CLPB: variants seen among roughly 807,000 people sequenced by gnomAD.
CLPB encodes the protein ClpB family mitochondrial disaggregase.
A neutral mutation model predicts 78.4 loss-of-function variants in CLPB; 40 were observed. That is an observed-to-expected ratio of 0.51 (90% CI 0.40 to 0.66). The LOEUF is 0.66. CLPB is among the 30% of genes least tolerant of loss of function. The pLI is 0.00. For missense variants in CLPB, 780 were observed against 886.9 expected, an observed-to-expected ratio of 0.88 and a Z score of 1.53; for synonymous variants, 333 against 348.0, an observed-to-expected ratio of 0.96 and a Z score of 0.48.
chr11:72,395,021 G>C (rs1855364460), intron 3 of CLPB, among the ~76,000 whole-genome samples: 2 of 152,102 alleles, frequency 1.3e-5, no homozygotes, highest in South Asian at 4.1e-4. Flanking sequence ...TGGTCCTTCT[G>C]CAAATGCTCT....
chr11:72,357,436 C>T (rs1212837916), intron 5 of CLPB, among the ~76,000 whole-genome samples: 2 of 152,208 alleles, frequency 1.3e-5, no homozygotes, highest in East Asian at 1.9e-4. Context: ...CCATGCCGGG[C>T]GCAGTGGCCC....
intron 2 of CLPB, among the ~76,000 whole-genome samples, chr11:72,405,276 C>T (rs1268018956): frequency 6.6e-6 from 1 of 152,164 alleles, no homozygotes. Flanking sequence ...CAGTTCACAG[C>T]AGAGAAACAG....
intron 3 of CLPB, among the ~76,000 whole-genome samples, chr11:72,384,833 A>C (rs1272546329): frequency 1.3e-5 from 2 of 152,230 alleles, no homozygotes; most frequent in Non-Finnish European, 2.9e-5. Flanking sequence ...GGGTCAATTA[A>C]TCAAGACACT....
rs900633237 is a variant in CLPB at position 72,287,915 on chromosome 11, A to G, written c.*5452T>C. 1 of 151,866 alleles carries G rather than the reference A, an allele frequency of 6.6e-6. No homozygotes were observed. Among genetic ancestry groups the G allele is most frequent in the Non-Finnish European group, 1.5e-5 (1 of 67,952 alleles). 9.4% of individuals were successfully genotyped at this position (151,866 alleles called of 1,614,324 possible). A position where few individuals can be genotyped will look rare whatever the true frequency, so the allele number is the denominator to read the frequency against. ...CCTTTTATCAGGCTCAGGAGGTTTT[A>G]TCTATTTTATTGGTGCTTTCAAAGA... On this transcript the variant is annotated 3_prime_UTR_variant, in exon 16 of 16. Coordinates refer to ENST00000538039, the MANE Select transcript of CLPB (RefSeq NM_001258392.3).
At chr11:72,373,558 T>C (rs889109187) in intron 4 of CLPB, among the ~76,000 whole-genome samples, 45 of 152,208 alleles carry the variant, frequency 3.0e-4, no homozygotes, top group African/African-American at 1.1e-3. Flanking sequence ...TCTACATTTA[T>C]TCCATCTCAC....
At chr11:72,428,002 T>C (rs1447152039) in intron 2 of CLPB, among the ~76,000 whole-genome samples, 2 of 152,118 alleles carry the variant, frequency 1.3e-5, no homozygotes, top group Non-Finnish European at 2.9e-5. Flanking sequence ...AAAGTTTCCT[T>C]CTAGCAAGGA....
intron 6 of CLPB, among the ~76,000 whole-genome samples, chr11:72,329,068 C>T (rs1442160383): frequency 6.6e-6 from 1 of 152,248 alleles, no homozygotes; most frequent in African/African-American, 2.4e-5. Context: ...TGCCAGCTCT[C>T]AGATTTGTGA....
intron 9 of CLPB, chr11:72,304,128 T>C (rs555641526): frequency 4.6e-5 from 7 of 152,350 alleles, no homozygotes; most frequent in African/African-American, 1.4e-4. Flanking sequence ...TGATTTGCTA[T>C]GTAATTTTGA....
At chr11:72,400,241 G>A (rs965662187) in intron 3 of CLPB, among the ~76,000 whole-genome samples, 32 of 152,088 alleles carry the variant, frequency 2.1e-4, no homozygotes, top group Non-Finnish European at 3.8e-4. Flanking sequence ...AAAATTCTGC[G>A]ATATGAATAC....
intron 5 of CLPB, among the ~76,000 whole-genome samples, chr11:72,335,536 C>G (rs988246940): frequency 6.6e-6 from 1 of 152,176 alleles, no homozygotes; most frequent in Non-Finnish European, 1.5e-5. Context: ...CATCTTGGTT[C>G]TGAAAACACC....
In CLPB at chr11:72,380,379, A is replaced by T; in HGVS notation, c.548T>A (p.Val183Glu). 6.2e-7 allele frequency: 1 copy of T among 1,613,642 alleles called. No homozygotes were observed. The highest frequency in any genetic ancestry group is 8.5e-7 in the Non-Finnish European group (1 of 1,179,546). The change falls in exon 4 of 16, where the codon GTA (valine) becomes GAA (glutamate). Residue 183 changes from valine to glutamate, a missense_variant. Val to Glu is a moderately radical substitution (Grantham distance 121). Transcript: ENST00000538039. ...VAAINRNNSV[V>E]QVLLAAGADP... ...AGCCCCAGCAGCAAGCAGGACCTGTACCACACTAGAAGAAATCACAAAGAC... is the reference window on the plus strand; with the variant it reads ...AGCCCCAGCAGCAAGCAGGACCTGTTCCACACTAGAAGAAATCACAAAGAC...
At chr11:72,393,940 C>T (rs1466541112) in intron 3 of CLPB, among the ~76,000 whole-genome samples, 1 of 152,158 alleles carries the variant, frequency 6.6e-6, no homozygotes, top group African/African-American at 2.4e-5. Flanking sequence ...GCTTCATTAA[C>T]TCTGTTGGCA....
At chr11:72,429,449 GC>G (rs1856480761) in intron 2 of CLPB, among the ~76,000 whole-genome samples, 1 of 152,134 alleles carries the variant, frequency 6.6e-6, no homozygotes. Flanking sequence ...AACACCAAGG[GC>G]CTGTGGCACT....
intron 2 of CLPB, among the ~76,000 whole-genome samples, chr11:72,424,764 T>C (rs1327269643): frequency 6.6e-6 from 1 of 152,118 alleles, no homozygotes; most frequent in Non-Finnish European, 1.5e-5. Flanking sequence ...CGGGCACCTG[T>C]AGTCCCAGCT....
chr11:72,349,495 A>C (rs952494828), intron 5 of CLPB, among the ~76,000 whole-genome samples: 5 of 152,182 alleles, frequency 3.3e-5, no homozygotes, highest in African/African-American at 1.2e-4. Flanking sequence ...TGAATGCTAG[A>C]AGCAAACTCC....
At chr11:72,341,063 G>A (rs769763641) in intron 5 of CLPB, among the ~76,000 whole-genome samples, 46 of 152,092 alleles carry the variant, frequency 3.0e-4, no homozygotes, top group Non-Finnish European at 8.8e-5. Flanking sequence ...CTCGTGATCC[G>A]CCCACCTCTG....
chr11:72,293,573 G>C lies in CLPB; in HGVS notation c.1828C>G (p.Gln610Glu). ...GTACAGCCCCCTGGCAGCAGGTCCT[G>C]CTCATAGGCTGCTGCCAGCTGGTTC... ...VVNQLAAAYE[Q>E]DLLPGGCTLR... The change falls in exon 16 of 16, where the codon CAG (glutamine) becomes GAG (glutamate). Residue 610 changes from glutamine to glutamate, a missense_variant. By Grantham distance (29) the Gln-to-Glu change is conservative. Around this residue, in one of 3 missense-constraint regions of CLPB, gnomAD observed 272 missense variants for 304.0 expected, o/e 0.89. Transcript: ENST00000538039. 1 of 1,613,934 alleles carries C rather than the reference G, an allele frequency of 6.2e-7. No individual in the cohort carries two copies. Among genetic ancestry groups the C allele is most frequent in the Non-Finnish European group, 8.5e-7 (1 of 1,179,896 alleles).
intron 4 of CLPB, among the ~76,000 whole-genome samples, chr11:72,365,477 A>C (rs1950925541): frequency 6.6e-6 from 1 of 152,200 alleles, no homozygotes; most frequent in African/African-American, 2.4e-5. Context: ...GGAGTGATAA[A>C]AATGTCCTAA....
At chr11:72,374,989 T>C (rs906888909) in intron 4 of CLPB, among the ~76,000 whole-genome samples, 5 of 152,214 alleles carry the variant, frequency 3.3e-5, no homozygotes, top group African/African-American at 1.2e-4. Context: ...TTCACTCAAA[T>C]TGGAAACTGA....
Sources: gnomAD v4.1 joint callset for allele counts (sites outside exome capture counted in the v4.1 genomes callset) on GRCh38, gnomAD v4.1.1 for gene constraint, gnomAD v4.1.1 regional missense constraint, MANE v1.5 for transcripts, NCBI Gene and HGNC (gene_info 2026-07-23, HGNC 2026-07-21) for gene names.